The following PDSS1 variants were observed in gnomAD, a reference collection of about 807,000 sequenced individuals.
PDSS1 encodes all trans-polyprenyl-diphosphate synthase PDSS1.
Under a neutral mutation model 57.5 loss-of-function variants are expected in PDSS1, and 43 were observed. The observed-to-expected ratio is 0.75, with a 90% CI of 0.59 to 0.96. The LOEUF (loss-of-function observed/expected upper bound fraction) is 0.96, where lower values mean the gene tolerates loss of function less well. Ranked by LOEUF, PDSS1 falls within the 50% of genes least tolerant of loss-of-function variation. PDSS1 has a pLI of 0.00. For synonymous variants in PDSS1, 175 were observed against 191.3 expected, an observed-to-expected ratio of 0.91 and a Z score of 0.70; for missense variants, 438 against 527.8, an observed-to-expected ratio of 0.83 and a Z score of 1.67.
chr10:26,726,827 C>T (rs765336837), intron 8 of PDSS1, among the ~76,000 whole-genome samples: 6 of 152,072 alleles, frequency 3.9e-5, no homozygotes, highest in Non-Finnish European at 7.4e-5. Context: ...TTTAGGAGGC[C>T]GAGGCGAGTG....
At position 26,740,161 on chromosome 10, in the gene PDSS1, T is replaced by TAAAAA. The variant is rs1564436809; in HGVS notation, c.1027-2334_1027-2330dup. On this transcript the variant is annotated intron_variant, in intron 10 of 11. Coordinates refer to ENST00000376215, the MANE Select transcript of PDSS1 (RefSeq NM_014317.5). ...CATCTCAAAAAAAAAAAAAAAAAAT[T>TAAAAA]AAAAAATTAGCCAGGTGCGTGCCTG... Among the ~76,000 whole-genome samples, 238 of 148,484 alleles carry TAAAAA rather than the reference T, an allele frequency of 1.6e-3. 2 individuals are homozygous for TAAAAA. The highest frequency in any genetic ancestry group is 5.8e-3 in the African/African-American group (232 of 40,052).
intron 2 of PDSS1, 111 bp from the exon 3 acceptor site, chr10:26,704,566 C>T: frequency 3.0e-6 from 2 of 677,144 alleles, no homozygotes; most frequent in Non-Finnish European, 5.3e-6. Context: ...TGCAATCTAC[C>T]TGTAAATGGG....
intron 11 of PDSS1, among the ~76,000 whole-genome samples, chr10:26,745,555 A>AT (rs1256803336): frequency 2.0e-5 from 3 of 152,148 alleles, no homozygotes; most frequent in African/African-American, 4.8e-5. Flanking sequence ...TAATCAAGAA[A>AT]TAAAAACTAG....
chr10:26,735,186 C>A, intron 8 of PDSS1, 54 bp from the exon 9 acceptor site: 2 of 1,273,860 alleles, frequency 1.6e-6, no homozygotes, highest in Non-Finnish European at 2.3e-6. Flanking sequence ...CAGGGGTCAG[C>A]TGCTTTGTTG....
intron 10 of PDSS1, among the ~76,000 whole-genome samples, chr10:26,736,332 AG>A (rs1390956233): frequency 2.0e-5 from 3 of 152,222 alleles, no homozygotes; most frequent in African/African-American, 7.2e-5. Flanking sequence ...TCTCGTTAAT[AG>A]ATTTTCATCT....
At chr10:26,722,479 T>G (rs1359188304) in intron 6 of PDSS1, among the ~76,000 whole-genome samples, 1 of 152,042 alleles carries the variant, frequency 6.6e-6, no homozygotes, top group Non-Finnish European at 1.5e-5. Flanking sequence ...CCGAGGCAGT[T>G]GGATCACTTG....
At chr10:26,704,815 T>A in intron 3 of PDSS1, 74 bp downstream of exon 3, 1 of 814,308 alleles carries the variant, frequency 1.2e-6, no homozygotes, top group East Asian at 2.6e-5. Flanking sequence ...AAAATTTTTT[T>A]TGTAGCGATG....
At chr10:26,744,819 A>T (rs1346963007) in intron 11 of PDSS1, among the ~76,000 whole-genome samples, 1 of 152,234 alleles carries the variant, frequency 6.6e-6, no homozygotes, top group Non-Finnish European at 1.5e-5. Context: ...AGCAACTGGT[A>T]TAGAAAATCA....
intron 1 of PDSS1, among the ~76,000 whole-genome samples, chr10:26,699,222 G>A (rs1834968494): frequency 6.6e-6 from 1 of 152,098 alleles, no homozygotes. Context: ...AGAATATGGG[G>A]GGTGAGGGGC....
chr10:26,746,653 G>C lies in PDSS1; in HGVS notation c.*180G>C. ...AGTTTTTTCAGAAAACTTTTTAAATGTAATTAATAAACCACCTGAATCTGT... is the reference window on the plus strand; with the variant it reads ...AGTTTTTTCAGAAAACTTTTTAAATCTAATTAATAAACCACCTGAATCTGT... On this transcript the variant is annotated 3_prime_UTR_variant, in exon 12 of 12. Coordinates refer to ENST00000376215, the MANE Select transcript of PDSS1 (RefSeq NM_014317.5). 1 of 621,564 alleles carries C rather than the reference G, an allele frequency of 1.6e-6. No individual in the cohort carries two copies. Among genetic ancestry groups the C allele is most frequent in the Non-Finnish European group, 2.8e-6 (1 of 355,110 alleles). The allele number at this position is 621,564 out of a possible 1,614,324, so 38.5% of individuals were successfully genotyped here. A position where few individuals can be genotyped will look rare whatever the true frequency, so the allele number is the denominator to read the frequency against.
chr10:26,727,028 T>A (rs971717745), intron 8 of PDSS1, among the ~76,000 whole-genome samples: 4 of 150,686 alleles, frequency 2.7e-5, no homozygotes, highest in Non-Finnish European at 5.9e-5. Context: ...CTCCACTGCA[T>A]TCCAGCCTGG....
intron 8 of PDSS1, among the ~76,000 whole-genome samples, chr10:26,727,301 G>C (rs1835987255): frequency 6.6e-6 from 1 of 151,144 alleles, no homozygotes; most frequent in Non-Finnish European, 1.5e-5. Flanking sequence ...CCCAGAGCTG[G>C]GTATGGTAAT....
At chr10:26,698,893 G>T (rs1336458175) in intron 1 of PDSS1, among the ~76,000 whole-genome samples, 1 of 152,202 alleles carries the variant, frequency 6.6e-6, no homozygotes, top group Non-Finnish European at 1.5e-5. Context: ...GGAGGCTGAG[G>T]TGGGAGAATC....
At position 26,710,963 on chromosome 10, in the gene PDSS1, G is replaced by A. The variant is rs551445333; in HGVS notation, c.467+1195G>A. Among the ~76,000 whole-genome samples the A allele has an allele frequency of 1.4e-4, 14 of 98,292 alleles. 4 individuals are homozygous for A. The highest frequency in any genetic ancestry group is 2.7e-4 in the South Asian group (1 of 3,700). 64.5% of individuals were successfully genotyped at this position (98,292 alleles called of 152,430 possible). On this transcript the variant is annotated intron_variant, in intron 5 of 11. Coordinates refer to ENST00000376215, the MANE Select transcript of PDSS1 (RefSeq NM_014317.5). Reference sequence around the variant, plus strand: ...GCCTAAGGTGAGAGGACTCTTTGTAGCCAAGGCAATCCTTGAAGAGGCTAA... The same window carrying A: ...GCCTAAGGTGAGAGGACTCTTTGTAACCAAGGCAATCCTTGAAGAGGCTAA...
At chr10:26,705,073 T>C (rs978723194) in intron 3 of PDSS1, among the ~76,000 whole-genome samples, 2 of 152,236 alleles carry the variant, frequency 1.3e-5, no homozygotes, top group Admixed American at 6.5e-5. Context: ...TTTTGTGGGT[T>C]CTCAAGGCCC....
chr10:26,720,406 C>G, intron 6 of PDSS1, 47 bp downstream of exon 6: 1 of 1,162,212 alleles, frequency 8.6e-7, no homozygotes, highest in Non-Finnish European at 1.3e-6. Context: ...GAATCACACA[C>G]TTTTCGGACC....
In PDSS1 at chr10:26,707,247, C is replaced by A. The variant is rs1201955506; in HGVS notation, c.336+1853C>A. On this transcript the variant is annotated intron_variant, in intron 4 of 11. Coordinates refer to ENST00000376215, the MANE Select transcript of PDSS1 (RefSeq NM_014317.5). ...AAGGACATACACCAATTAAGCTCTG[C>A]CATTTTGCCTCTTAGTGTGCATGGT... is the stretch of plus-strand genomic sequence containing the variant. 1.6e-4 allele frequency among the ~76,000 whole-genome samples: 25 copies of A among 152,260 alleles called. 1 individual carries two copies.
At chr10:26,729,724 G>GTATC (rs1016936137) in intron 8 of PDSS1, among the ~76,000 whole-genome samples, 51 of 152,104 alleles carry the variant, frequency 3.4e-4, no homozygotes, top group African/African-American at 1.2e-3. Context: ...CTTTCTCTAC[G>GTATC]TATCAGTGTG....
intron 10 of PDSS1, among the ~76,000 whole-genome samples, chr10:26,741,985 C>T (rs1236983019): frequency 6.6e-6 from 1 of 152,236 alleles, no homozygotes; most frequent in Non-Finnish European, 1.5e-5. Flanking sequence ...AAGCAATTCT[C>T]TTGCCTCAGC....
Sources: allele counts gnomAD v4.1 joint callset (sites outside exome capture counted in the v4.1 genomes callset), GRCh38; gene constraint gnomAD v4.1.1; transcripts MANE v1.5; gene names NCBI Gene and HGNC (gene_info 2026-07-23, HGNC 2026-07-21).